The following CTIF variants were observed in gnomAD, a reference collection of about 807,000 sequenced individuals.
CTIF encodes the protein CBP80/20-dependent translation initiation factor.
A neutral mutation model predicts 66.0 loss-of-function variants in CTIF; 21 were observed. The observed-to-expected ratio is 0.32, with a 90% CI of 0.23 to 0.46. The LOEUF (loss-of-function observed/expected upper bound fraction) is 0.46, where lower values mean the gene tolerates loss of function less well. Ranked by LOEUF, CTIF falls within the 20% of genes least tolerant of loss-of-function variation. The pLI, the probability that CTIF is intolerant of heterozygous loss-of-function variation, is 1.00. For missense variants in CTIF, 739 were observed against 812.7 expected, an observed-to-expected ratio of 0.91 and a Z score of 1.10; for synonymous variants, 345 against 326.4, an observed-to-expected ratio of 1.06 and a Z score of -0.62.
rs765603450 is a variant in CTIF at position 48,769,242 on chromosome 18, A to G, written c.1371+7553A>G. On this transcript the variant is annotated intron_variant, in intron 9 of 11. Transcript: ENST00000256413. ...GCCAGGCACACCCAGGGATAGAAGC[A>G]CATTGTTCTGTGCATTCCAAAGCTT... Among the ~76,000 whole-genome samples, 3 of 152,238 alleles carry G rather than the reference A, an allele frequency of 2.0e-5. No individual in the cohort carries two copies. In the East Asian group the frequency reaches 5.8e-4, roughly 29 times the overall value.
At chr18:48,631,057 G>A (rs1598768316) in intron 2 of CTIF, among the ~76,000 whole-genome samples, 1 of 152,192 alleles carries the variant, frequency 6.6e-6, no homozygotes, top group Admixed American at 6.5e-5. Flanking sequence ...TGAAATGGGG[G>A]CCTGGTCTAG....
At chr18:48,768,403 G>A (rs906271152) in intron 9 of CTIF, among the ~76,000 whole-genome samples, 9 of 152,114 alleles carry the variant, frequency 5.9e-5, no homozygotes, top group Non-Finnish European at 8.8e-5. Context: ...TGCTCTCTGG[G>A]GCATGAGGGG....
intron 9 of CTIF, among the ~76,000 whole-genome samples, chr18:48,807,521 C>G (rs1302284569): frequency 9.5e-6 from 1 of 104,724 alleles, no homozygotes; most frequent in African/African-American, 4.0e-5. Flanking sequence ...TTTCATTTAA[C>G]ATTATATAAA....
chr18:48,823,650 C>G (rs1378310527), intron 10 of CTIF, among the ~76,000 whole-genome samples: 1 of 152,188 alleles, frequency 6.6e-6, no homozygotes, highest in Non-Finnish European at 1.5e-5. Flanking sequence ...TATTTGGGCT[C>G]TTTTATATTT....
chr18:48,588,230 C>T (rs557954942), intron 1 of CTIF, among the ~76,000 whole-genome samples: 1 of 152,342 alleles, frequency 6.6e-6, no homozygotes, highest in East Asian at 1.9e-4. Context: ...CCCACTCTCC[C>T]TGATTCCACT....
Position 48,619,602 on chromosome 18 carries a change from G to A in CTIF, c.37G>A (p.Ala13Thr), listed in dbSNP as rs773756274. Residue 13 changes from alanine to threonine, a missense_variant, in exon 2 of 12, where the codon GCA becomes ACA. Physicochemically the swap from Ala to Thr is moderately conservative, Grantham distance 58 (BLOSUM62 0). Around this residue, in one of 2 missense-constraint regions of CTIF, gnomAD observed 529 missense variants for 520.3 expected, o/e 1.02. Coordinates refer to ENST00000256413, the MANE Select transcript of CTIF (RefSeq NM_014772.3). Reference protein sequence around the residue: ...NSSAASASSEAGSSRSQEIEE... With the variant: ...NSSAASASSETGSSRSQEIEE... ...CTCTGCAGCATCAGCCTCCTCGGAG[G>A]CAGGGAGCAGCCGCTCCCAGGAGAT... 6.3e-7 allele frequency: 1 copy of A among 1,597,956 alleles called. No homozygotes were observed. Among genetic ancestry groups the A allele is most frequent in the Middle Eastern group, 1.7e-4 (1 of 6,022 alleles).
At chr18:48,607,487 A>G (rs2090225308) in intron 1 of CTIF, among the ~76,000 whole-genome samples, 1 of 152,208 alleles carries the variant, frequency 6.6e-6, no homozygotes. Flanking sequence ...TGGGCAGAGC[A>G]TTTGTTACCT....
chr18:48,730,864 C>A (rs1418258460), intron 7 of CTIF, among the ~76,000 whole-genome samples: 3 of 150,880 alleles, frequency 2.0e-5, no homozygotes, highest in Non-Finnish European at 4.4e-5. Context: ...CATGAGGGGC[C>A]TCCCGCAGTG....
chr18:48,548,961 G>C (rs531132352), intron 1 of CTIF, among the ~76,000 whole-genome samples: 1 of 152,116 alleles, frequency 6.6e-6, no homozygotes, highest in Non-Finnish European at 1.5e-5. Flanking sequence ...GGGTGCCAAG[G>C]CAGCCAGAAG....
rs2069461055 is a variant in CTIF at position 48,861,245 on chromosome 18, G to C, written c.*1686G>C. The C allele has an allele frequency of 6.6e-6, 1 of 152,314 alleles. No individual in the cohort carries two copies. 9.4% of individuals were successfully genotyped at this position (152,314 alleles called of 1,614,324 possible). A position where few individuals can be genotyped will look rare whatever the true frequency, so the allele number is the denominator to read the frequency against. On this transcript the variant is annotated 3_prime_UTR_variant, in exon 12 of 12. Coordinates refer to ENST00000256413, the MANE Select transcript of CTIF (RefSeq NM_014772.3). ...TGGAGCCTTTGCCTGTCTCTAAAAA[G>C]AGCCTGTTGGCGACAAGGTGTAGGG... is the stretch of plus-strand genomic sequence containing the variant.
intron 2 of CTIF, among the ~76,000 whole-genome samples, chr18:48,633,031 C>G (rs1170050928): frequency 1.5e-4 from 5 of 32,264 alleles, no homozygotes; most frequent in African/African-American, 2.4e-4. Flanking sequence ...TTGTGCGTGC[C>G]CATCAGGAGG....
At chr18:48,846,951 T>C (rs888504564) in intron 10 of CTIF, among the ~76,000 whole-genome samples, 1 of 151,988 alleles carries the variant, frequency 6.6e-6, no homozygotes, top group Non-Finnish European at 1.5e-5. Flanking sequence ...AGACAAAGAA[T>C]AGGTAAAATC....
chr18:48,776,853 C>T (rs1910731056), intron 9 of CTIF, among the ~76,000 whole-genome samples: 2 of 152,228 alleles, frequency 1.3e-5, no homozygotes, highest in South Asian at 4.1e-4. Context: ...TTTAAAGGCT[C>T]GGCGTGGGAG....
chr18:48,736,325 A>T (rs1042565803), intron 7 of CTIF, among the ~76,000 whole-genome samples: 1 of 152,062 alleles, frequency 6.6e-6, no homozygotes, highest in Non-Finnish European at 1.5e-5. Flanking sequence ...TGCCTTCTGC[A>T]CTCGGCATGC....
intron 7 of CTIF, among the ~76,000 whole-genome samples, chr18:48,747,967 AAGG>A (rs1314639581): frequency 1.3e-5 from 2 of 151,636 alleles, no homozygotes; most frequent in East Asian, 1.9e-4. Context: ...TAACAAAAAA[AAGG>A]AGGTTTTTGT....
chr18:48,789,389 T>C (rs1223652009), intron 9 of CTIF, among the ~76,000 whole-genome samples: 1 of 152,190 alleles, frequency 6.6e-6, no homozygotes, highest in Non-Finnish European at 1.5e-5. Context: ...AATGAGATAA[T>C]GTAGTAAAGG....
intron 1 of CTIF, among the ~76,000 whole-genome samples, chr18:48,577,789 G>A (rs1455502771): frequency 2.6e-5 from 4 of 152,198 alleles, no homozygotes; most frequent in African/African-American, 9.7e-5. Flanking sequence ...TGCCCAGTCT[G>A]GCCTCGAACT....
At chr18:48,573,194 A>G (rs530218993) in intron 1 of CTIF, among the ~76,000 whole-genome samples, 4 of 152,324 alleles carry the variant, frequency 2.6e-5, no homozygotes, top group East Asian at 1.9e-4. Context: ...TTCAGGGCCT[A>G]AAGTCACAAA....
At chr18:48,791,799 C>A (rs1369081178) in intron 9 of CTIF, among the ~76,000 whole-genome samples, 1 of 152,246 alleles carries the variant, frequency 6.6e-6, no homozygotes, top group Non-Finnish European at 1.5e-5. Context: ...CTTCCCTGAT[C>A]ACCCAGGCTG....
Sources: gnomAD v4.1 joint callset for allele counts (sites outside exome capture counted in the v4.1 genomes callset) on GRCh38, gnomAD v4.1.1 for gene constraint, gnomAD v4.1.1 regional missense constraint, MANE v1.5 for transcripts, NCBI Gene and HGNC (gene_info 2026-07-23, HGNC 2026-07-21) for gene names.